The following CRTC1 variants were observed in gnomAD, a reference collection of about 807,000 sequenced individuals.
The protein encoded by CRTC1 is CREB regulated transcription coactivator 1.
A neutral mutation model predicts 66.1 loss-of-function variants in CRTC1; 18 were observed. The ratio of observed to expected loss-of-function variants is 0.27; its 90% confidence interval spans 0.19 to 0.40. The LOEUF is 0.40. CRTC1 is among the 10% of genes least tolerant of loss of function. The pLI is 1.00. For synonymous variants in CRTC1, 416 were observed against 398.8 expected (o/e 1.04, Z -0.51); for missense variants, 669 against 887.9 (o/e 0.75, Z 3.13).
chr19:18,774,070 C>T (rs769198920), intron 11 of CRTC1, among the ~76,000 whole-genome samples: 2 of 152,172 alleles, frequency 1.3e-5, no homozygotes. Flanking sequence ...CCTGGGGACA[C>T]TAGCCAGAGC....
intron 1 of CRTC1, among the ~76,000 whole-genome samples, chr19:18,717,120 T>G (rs2053527374): frequency 2.0e-5 from 3 of 152,152 alleles, no homozygotes; most frequent in Admixed American, 1.3e-4. Context: ...TGTGAACACG[T>G]GTGATGTCTG....
intron 1 of CRTC1, among the ~76,000 whole-genome samples, chr19:18,729,914 C>T (rs1416299835): frequency 6.6e-6 from 1 of 152,036 alleles, no homozygotes; most frequent in African/African-American, 2.4e-5. Context: ...CCTGTGAAAC[C>T]AGGAGCTGTG....
Position 18,781,732 on chromosome 19 carries a change from G to C in CRTC1, c.*4350G>C, listed in dbSNP as rs540103482. On this transcript the variant is annotated 3_prime_UTR_variant, in exon 14 of 14. Transcript: ENST00000321949. The stretch of plus-strand genomic sequence containing the variant: ...GCCCCGGGCTCCTCCTGGGCAGGAT[G>C]GGGGGCAGGGGCTGGGCCTTGGGGT... 194 of 230,740 alleles carry C rather than the reference G, an allele frequency of 8.4e-4. 1 individual carries two copies. The South Asian group carries it at 0.014, about 17-fold the overall frequency. The allele number at this position is 230,740 out of a possible 1,614,324, so 14.3% of individuals were successfully genotyped here. A position where few individuals can be genotyped will look rare whatever the true frequency, so the allele number is the denominator to read the frequency against.
chr19:18,690,711 C>T (rs754085421), intron 1 of CRTC1, among the ~76,000 whole-genome samples: 20 of 152,006 alleles, frequency 1.3e-4, no homozygotes, highest in African/African-American at 1.9e-4. Context: ...GCCCTAAATC[C>T]GGTGACTGGT....
chr19:18,687,244 G>A (rs1385738122), intron 1 of CRTC1, among the ~76,000 whole-genome samples: 2 of 152,002 alleles, frequency 1.3e-5, no homozygotes, highest in Non-Finnish European at 2.9e-5. Flanking sequence ...GACTGGTCTC[G>A]AACTCCTGAC....
chr19:18,752,953 C>T (rs1264139448), intron 5 of CRTC1, among the ~76,000 whole-genome samples: 2 of 151,168 alleles, frequency 1.3e-5, no homozygotes, highest in African/African-American at 4.9e-5. Context: ...TTTCTTAAGT[C>T]ACAGATTCTC....
chr19:18,727,733 AT>A (rs1488684369), intron 1 of CRTC1, among the ~76,000 whole-genome samples: 1 of 151,718 alleles, frequency 6.6e-6, no homozygotes, highest in Non-Finnish European at 1.5e-5. Flanking sequence ...TTTTATTTTT[AT>A]TTTTTGAGAT....
At chr19:18,757,923 C>T (rs1465012544) in intron 6 of CRTC1, among the ~76,000 whole-genome samples, 3 of 151,564 alleles carry the variant, frequency 2.0e-5, no homozygotes, top group African/African-American at 7.3e-5. Flanking sequence ...GAGGCTGAGG[C>T]AGGAGAAAGG....
chr19:18,731,131 T>C (rs1490980032), intron 1 of CRTC1, among the ~76,000 whole-genome samples: 1 of 152,216 alleles, frequency 6.6e-6, no homozygotes, highest in Non-Finnish European at 1.5e-5. Flanking sequence ...TGTGTGCCAA[T>C]GTGCTCAGCC....
intron 1 of CRTC1, among the ~76,000 whole-genome samples, chr19:18,688,340 T>A (rs1451492187): frequency 6.6e-6 from 1 of 151,914 alleles, no homozygotes; most frequent in Non-Finnish European, 1.5e-5. Flanking sequence ...AGTTTGAGAA[T>A]GGGTGGAAAG....
At chr19:18,764,827 A>G (rs1027309089) in intron 8 of CRTC1, among the ~76,000 whole-genome samples, 17 of 152,192 alleles carry the variant, frequency 1.1e-4, no homozygotes, top group Non-Finnish European at 1.3e-4. Context: ...GAATGGGCAC[A>G]TTCACTGAAG....
rs778097220 is a variant in CRTC1, at chr19:18,774,911, C to G, written c.1437C>G (p.Thr479=). The G allele has an allele frequency of 8.7e-6, 14 of 1,610,890 alleles. No individual in the cohort carries two copies. Residue 479 remains threonine, a synonymous_variant, in exon 12 of 14, where the codon ACC becomes ACG. Coordinates refer to ENST00000321949, the MANE Select transcript of CRTC1 (RefSeq NM_015321.3). ...TCTTCTGTCTGCAGCACACTTCCAC[C>G]CTGGGCAGCGTGTTTGGGGACGCGT... is the stretch of plus-strand genomic sequence containing the variant. ...SPGSSPQHTS[T]LGSVFGDAYY...
At chr19:18,713,416 T>C (rs1385132342) in intron 1 of CRTC1, among the ~76,000 whole-genome samples, 2 of 152,222 alleles carry the variant, frequency 1.3e-5, no homozygotes, top group East Asian at 1.9e-4. Flanking sequence ...GGACTGGAAT[T>C]GCGGGATCCT....
At chr19:18,762,042 C>G (rs1463194789) in intron 8 of CRTC1, among the ~76,000 whole-genome samples, 2 of 152,238 alleles carry the variant, frequency 1.3e-5, no homozygotes, top group African/African-American at 4.8e-5. Context: ...GGCATCCACA[C>G]GCACCTGCGC....
intron 1 of CRTC1, among the ~76,000 whole-genome samples, chr19:18,725,745 G>C (rs1031177193): frequency 6.6e-6 from 1 of 152,064 alleles, no homozygotes; most frequent in East Asian, 1.9e-4. Flanking sequence ...TGTCTTTCTC[G>C]CGTGGCTCAG....
intron 13 of CRTC1, 82 bp downstream of exon 13, chr19:18,775,903 A>T (rs565024373): frequency 4.2e-6 from 6 of 1,416,464 alleles, no homozygotes; most frequent in Non-Finnish European, 5.7e-6. Flanking sequence ...GCTGTCCCGC[A>T]GCAGGAGGGT....
intron 1 of CRTC1, among the ~76,000 whole-genome samples, chr19:18,696,583 C>T (rs2052993386): frequency 6.6e-6 from 1 of 152,186 alleles, no homozygotes; most frequent in Admixed American, 6.5e-5. Context: ...CTGTGTCTGA[C>T]TCCAAGGCCC....
intron 1 of CRTC1, among the ~76,000 whole-genome samples, chr19:18,707,564 T>C (rs2053293889): frequency 6.6e-6 from 1 of 152,250 alleles, no homozygotes; most frequent in Admixed American, 6.5e-5. Context: ...TTTTTCAAGA[T>C]TGTCTTGTCT....
intron 6 of CRTC1, among the ~76,000 whole-genome samples, chr19:18,755,881 C>T (rs988568740): frequency 3.3e-5 from 5 of 152,000 alleles, no homozygotes; most frequent in African/African-American, 1.2e-4. Flanking sequence ...AGATTACAGG[C>T]ATGAGCCACC....
Sources: allele counts gnomAD v4.1 joint callset (sites outside exome capture counted in the v4.1 genomes callset), GRCh38; gene constraint gnomAD v4.1.1; transcripts MANE v1.5; gene names NCBI Gene and HGNC (gene_info 2026-07-23, HGNC 2026-07-21).